FSIP2: variants seen among roughly 807,000 people sequenced by gnomAD.
The protein encoded by FSIP2 is fibrous sheath interacting protein 2, also known as fibrous sheath-interacting protein 2.
FSIP2 carries 367 observed loss-of-function variants against 510.5 expected under a neutral mutation model. That is an observed-to-expected ratio of 0.72 (90% confidence interval 0.66 to 0.78). The LOEUF is 0.78. Ranked by LOEUF, FSIP2 falls within the 30% of genes least tolerant of loss-of-function variation. The pLI is 0.00. For synonymous variants in FSIP2, 2,601 were observed against 2,732.2 expected (o/e 0.95, Z 1.50); for missense variants, 7,594 against 7,901.7 (o/e 0.96, Z 1.48).
At chr2:185,786,169 A>C (rs1198054318) in intron 14 of FSIP2, 83 bp from the exon 15 acceptor site, 2 of 860,802 alleles carry the variant, frequency 2.3e-6, no homozygotes, top group Non-Finnish European at 3.5e-6. Flanking sequence ...CAACAAAATG[A>C]TTTCAATAAT....
In FSIP2 at chr2:185,790,496, C is replaced by T. The variant is rs548641825; in HGVS notation, c.3360C>T (p.Asp1120=). The change falls in exon 16 of 23, where the codon GAC becomes GAT. Residue 1120 remains aspartate (D), a synonymous_variant. Coordinates refer to ENST00000424728, the MANE Select transcript of FSIP2 (RefSeq NM_173651.4). The part of the protein sequence containing the change: ...VTSILKEMLK[D]ISSVPFGHLD... Reference sequence around the variant, plus strand: ...GTATTTTAAAGGAAATGCTCAAGGACATATCTTCCGTTCCTTTTGGTCACT... The same window carrying T: ...GTATTTTAAAGGAAATGCTCAAGGATATATCTTCCGTTCCTTTTGGTCACT... The T allele has an allele frequency of 6.6e-5, 102 of 1,534,178 alleles. No homozygotes were observed. The East Asian group carries it at 1.3e-3, about 20-fold the overall frequency.
At chr2:185,751,780 A>G (rs562343264) in intron 7 of FSIP2, among the ~76,000 whole-genome samples, 3 of 151,306 alleles carry the variant, frequency 2.0e-5, no homozygotes, top group Admixed American at 6.6e-5. Flanking sequence ...TTAATTTATT[A>G]GGGTAGCTCT....
chr2:185,825,832 G>A (rs2105685684), intron 20 of FSIP2, among the ~76,000 whole-genome samples: 1 of 151,956 alleles, frequency 6.6e-6, no homozygotes, highest in East Asian at 2.0e-4. Context: ...TTAACTCAGA[G>A]TAGGAAGTCC....
At chr2:185,757,221 A>C (rs1199155502) in intron 9 of FSIP2, among the ~76,000 whole-genome samples, 1 of 151,476 alleles carries the variant, frequency 6.6e-6, no homozygotes. Context: ...CTGGTGTTTA[A>C]TGCATCCCAG....
intron 15 of FSIP2, 49 bp from the exon 16 acceptor site, chr2:185,788,594 G>T (rs1183874075): frequency 7.7e-7 from 1 of 1,300,772 alleles, no homozygotes. Context: ...AAAACATAGA[G>T]TAAGTTGTTA....
At chr2:185,743,362 G>A in intron 3 of FSIP2, 68 bp downstream of exon 3, 2 of 1,048,854 alleles carry the variant, frequency 1.9e-6, no homozygotes, top group African/African-American at 1.7e-5. Context: ...ACTTGTTTCT[G>A]TACCTCACTC....
chr2:185,829,517 A>G (rs886668047), intron 21 of FSIP2, among the ~76,000 whole-genome samples: 5 of 151,964 alleles, frequency 3.3e-5, no homozygotes, highest in African/African-American at 7.2e-5. Flanking sequence ...TAGAGAAACC[A>G]TTGTTTTCTG....
In FSIP2 at chr2:185,807,650, A is replaced by G; in HGVS notation, c.18344A>G (p.Glu6115Gly). 1 of 1,613,044 alleles carries G rather than the reference A, an allele frequency of 6.2e-7. No individual in the cohort carries two copies. The highest frequency in any genetic ancestry group is 8.5e-7 in the Non-Finnish European group (1 of 1,179,324). ...ACCAGTGGATGCAAAATCCTTTCAG[A>G]AAACATAGTTGACTTGGTTCTACGA... The part of the protein sequence containing the change: ...CVTSGCKILS[E>G]NIVDLVLREV... The change falls in exon 17 of 23, where the codon GAA becomes GGA. Residue 6115 changes from glutamate (E) to glycine (G), a missense_variant. Transcript: ENST00000424728.
chr2:185,833,081 T>C lies in FSIP2; in HGVS notation c.20588-9T>C, dbSNP rs1694136068. 1 of 1,609,344 alleles carries C rather than the reference T, an allele frequency of 6.2e-7. No homozygotes were observed. The highest frequency in any genetic ancestry group is 1.7e-5 in the Admixed American group (1 of 59,498). On this transcript the variant is annotated splice_polypyrimidine_tract_variant and intron_variant, in intron 22 of 22. Transcript: ENST00000424728. Reference sequence around the variant, plus strand: ...AAGATATCATTCTTCTTGTTTACTTTGTCCACAGAAACTCCCAAGCCCGAT... The same window carrying C: ...AAGATATCATTCTTCTTGTTTACTTCGTCCACAGAAACTCCCAAGCCCGAT...
chr2:185,777,004 G>T (rs574061842), intron 13 of FSIP2, among the ~76,000 whole-genome samples: 1 of 152,228 alleles, frequency 6.6e-6, no homozygotes, highest in Non-Finnish European at 1.5e-5. Context: ...GATTACAGGC[G>T]TGAGCCACCG....
intron 13 of FSIP2, among the ~76,000 whole-genome samples, chr2:185,779,867 T>C (rs1441052489): frequency 1.3e-5 from 2 of 152,006 alleles, no homozygotes; most frequent in Non-Finnish European, 2.9e-5. Context: ...GATAAAATTG[T>C]CTTTATCCTT....
intron 10 of FSIP2, 51 bp downstream of exon 10, chr2:185,761,154 T>A (rs1281244085): frequency 1.5e-6 from 1 of 685,622 alleles, no homozygotes; most frequent in Non-Finnish European, 2.3e-6. Flanking sequence ...ATTTATCTAC[T>A]TAACTTTTAT....
intron 13 of FSIP2, among the ~76,000 whole-genome samples, chr2:185,771,959 A>C (rs1201730361): frequency 1.3e-5 from 2 of 152,184 alleles, no homozygotes; most frequent in Non-Finnish European, 2.9e-5. Context: ...GCTGCTTAGA[A>C]ATTTGTTCTG....
In FSIP2 at chr2:185,803,607, A is replaced by G. The variant is rs1267205664; in HGVS notation, c.14301A>G (p.Arg4767=). 8 of 1,530,584 alleles carry G rather than the reference A, an allele frequency of 5.2e-6. No homozygotes were observed. Among genetic ancestry groups the G allele is most frequent in the Non-Finnish European group, 4.4e-6 (5 of 1,143,746 alleles). The allele number at this position is 1,530,584 out of a possible 1,614,324, so 94.8% of individuals were successfully genotyped here. The change falls in exon 17 of 23, where the codon AGA becomes AGG. Residue 4767 remains arginine, a synonymous_variant. Coordinates refer to ENST00000424728, the MANE Select transcript of FSIP2 (RefSeq NM_173651.4). ...SKLSANVLIQ[R]VQYDISKSRF... is the part of the protein sequence containing the mutation. ...TCAGTGCAAATGTTTTAATACAAAG[A>G]GTTCAATATGATATAAGTAAATCAA... is the stretch of plus-strand genomic sequence containing the variant.
chr2:185,790,520 C>G lies in FSIP2; in HGVS notation c.3384C>G (p.His1128Gln). The change falls in exon 16 of 23, where the codon CAC becomes CAG. Residue 1128 changes from histidine (H) to glutamine (Q), a missense_variant. Coordinates refer to ENST00000424728, the MANE Select transcript of FSIP2 (RefSeq NM_173651.4). ...LKDISSVPFG[H>Q]LDSKTGSEAS... ...ACATATCTTCCGTTCCTTTTGGTCA[C>G]TTAGACAGCAAAACTGGCAGTGAAG... The G allele has an allele frequency of 6.5e-7, 1 of 1,534,184 alleles. No individual in the cohort carries two copies. The highest frequency in any genetic ancestry group is 8.7e-7 in the Non-Finnish European group (1 of 1,145,648).
In FSIP2 at chr2:185,802,711, T is replaced by A; in HGVS notation, c.13405T>A (p.Leu4469Ile). 1 of 1,524,948 alleles carries A rather than the reference T, an allele frequency of 6.6e-7. No homozygotes were observed. The highest frequency in any genetic ancestry group is 8.8e-7 in the Non-Finnish European group (1 of 1,142,500). 94.5% of individuals were successfully genotyped at this position (1,524,948 alleles called of 1,614,324 possible). The change falls in exon 17 of 23, where the codon TTA (leucine) becomes ATA (isoleucine). Residue 4469 changes from leucine to isoleucine, a missense_variant. Physicochemically the swap from Leu to Ile is conservative, Grantham distance 5. Transcript: ENST00000424728. ...TAACACCTTGCTGCCATACACATTT[T>A]TAGAAGATATGATCAGAGTACTATT... is the stretch of plus-strand genomic sequence containing the variant. Reference protein sequence around the residue: ...LYNTLLPYTFLEDMIRVLLSK... With the variant: ...LYNTLLPYTFIEDMIRVLLSK...
Position 185,805,810 on chromosome 2 carries a change from G to A in FSIP2, c.16504G>A (p.Gly5502Ser), listed in dbSNP as rs201683025. 2.3e-4 allele frequency: 370 copies of A among 1,602,484 alleles called. No individual in the cohort carries two copies. The highest frequency in any genetic ancestry group is 2.6e-4 in the Non-Finnish European group (302 of 1,176,392). ...CTCTATAAATGCAATTATGAAAAGC[G>A]GCATGATTAACCTAACATCAGGGTT... is the stretch of plus-strand genomic sequence containing the variant. ...LSSINAIMKS[G>S]MINLTSGLAT... Residue 5502 changes from glycine (G) to serine (S), a missense_variant, in exon 17 of 23, where the codon GGC (glycine) becomes AGC (serine). Gly to Ser is a moderately conservative substitution (Grantham distance 56, BLOSUM62 0). Coordinates refer to ENST00000424728, the MANE Select transcript of FSIP2 (RefSeq NM_173651.4).
At chr2:185,737,974 G>T (rs1691819385), upstream of FSIP2, among the ~76,000 whole-genome samples, 2 of 152,078 alleles carry the variant, frequency 1.3e-5, no homozygotes, top group African/African-American at 2.4e-5. Context: ...TGTTTAAAAG[G>T]GTGTTTGGCA....
intron 7 of FSIP2, among the ~76,000 whole-genome samples, 175 bp downstream of exon 7, chr2:185,747,598 G>T (rs1247061492): frequency 6.6e-6 from 1 of 151,942 alleles, no homozygotes; most frequent in Admixed American, 6.6e-5. Context: ...CATATAAAAA[G>T]TACTGCTCTA....
Sources: gnomAD v4.1 joint callset for allele counts (sites outside exome capture counted in the v4.1 genomes callset) on GRCh38, gnomAD v4.1.1 for gene constraint, MANE v1.5 for transcripts, NCBI Gene and HGNC (gene_info 2026-07-23, HGNC 2026-07-21) for gene names.